Variants in PRPF6 observed in about 807,000 individuals in gnomAD.
PRPF6 encodes the protein pre-mRNA processing factor 6, also known as pre-mRNA-processing factor 6.
Under a neutral mutation model 118.3 loss-of-function variants are expected in PRPF6, and 42 were observed. That is an observed-to-expected ratio of 0.35 (90% CI 0.28 to 0.46). The LOEUF (loss-of-function observed/expected upper bound fraction) is 0.46, where lower values mean the gene tolerates loss of function less well. Among genes scored for constraint, PRPF6 ranks in the 20% least tolerant of loss-of-function variants. The pLI is 1.00. For missense variants in PRPF6, 662 were observed against 1,255.7 expected (o/e 0.53, Z 7.15); for synonymous variants, 481 against 485.1 (o/e 0.99, Z 0.11).
intron 20 of PRPF6, 129 bp downstream of exon 20, chr20:64,032,173 GGT>G (rs1569227547): frequency 1.4e-6 from 2 of 1,427,158 alleles, no homozygotes; most frequent in East Asian, 2.3e-5. Context: ...GGATGGACCG[GGT>G]GTGTGGGGCA....
At chr20:64,017,928 G>GC (rs1280073605) in intron 12 of PRPF6, among the ~76,000 whole-genome samples, 1 of 152,240 alleles carries the variant, frequency 6.6e-6, no homozygotes, top group African/African-American at 2.4e-5. Context: ...CACAGGCTGG[G>GC]CATGGGGCTG....
At position 64,016,861 on chromosome 20, in the gene PRPF6, G is replaced by C. The variant is rs558750067; in HGVS notation, c.1647+16G>C. 2.5e-6 allele frequency: 4 copies of C among 1,614,112 alleles called. No homozygotes were observed. The highest frequency in any genetic ancestry group is 2.7e-5 in the African/African-American group (2 of 75,054). ...TGCTGACAGTGTGAGTTGGCAACAG[G>C]GGCCTTTGTCCGTAATATGGAGTCT... On this transcript the variant is annotated intron_variant, in intron 12 of 20. Coordinates refer to ENST00000266079, the MANE Select transcript of PRPF6 (RefSeq NM_012469.4).
rs2059280405 is a variant in PRPF6 at position 64,024,712 on chromosome 20, T to C, written c.1908+19T>C. The stretch of plus-strand genomic sequence containing the variant: ...CTTCCAGGTGGGTGAGGGTTGCCTG[T>C]GTGGTGAGGGGCCTGTGCACACAGG... On this transcript the variant is annotated intron_variant, in intron 14 of 20. Transcript: ENST00000266079. 6.2e-7 allele frequency: 1 copy of C among 1,609,890 alleles called. No homozygotes were observed. Among genetic ancestry groups the C allele is most frequent in the South Asian group, 1.1e-5 (1 of 90,614 alleles).
chr20:64,033,072 A>G lies in PRPF6; in HGVS notation c.*79A>G, dbSNP rs2059323088. ...AGGGCTCTGAGCTGTGTCCTCCTTC[A>G]TTAAAAGTTTTTATGTCTCGTGTCA... On this transcript the variant is annotated 3_prime_UTR_variant, in exon 21 of 21. Transcript: ENST00000266079. 1 of 1,590,100 alleles carries G rather than the reference A, an allele frequency of 6.3e-7. No individual in the cohort carries two copies. The highest frequency in any genetic ancestry group is 8.6e-7 in the Non-Finnish European group (1 of 1,165,132).
intron 9 of PRPF6, among the ~76,000 whole-genome samples, chr20:64,002,636 TTTTC>T (rs2047350318): frequency 8.3e-6 from 1 of 121,000 alleles, no homozygotes; most frequent in Non-Finnish European, 1.8e-5. Context: ...GTGCCTGGCC[TTTTC>T]TTTTCTTTTT....
At chr20:64,004,366 G>A (rs2059180714) in intron 9 of PRPF6, among the ~76,000 whole-genome samples, 1 of 152,356 alleles carries the variant, frequency 6.6e-6, no homozygotes, top group African/African-American at 2.4e-5. Context: ...TTTCCCAAGA[G>A]TGTTTCCAAA....
intron 19 of PRPF6, among the ~76,000 whole-genome samples, chr20:64,030,243 G>A (rs932589023): frequency 2.0e-5 from 3 of 152,198 alleles, no homozygotes; most frequent in Admixed American, 6.5e-5. Context: ...GACCATGTGG[G>A]GTGAAGGGAG....
At chr20:64,005,614 A>G (rs770533981) in intron 9 of PRPF6, among the ~76,000 whole-genome samples, 12 of 152,150 alleles carry the variant, frequency 7.9e-5, no homozygotes, top group East Asian at 1.9e-4. Context: ...GCCTCGTCCT[A>G]TTGCCCAGGC....
chr20:63,998,194 A>G (rs1239083163), intron 6 of PRPF6, among the ~76,000 whole-genome samples: 2 of 151,522 alleles, frequency 1.3e-5, no homozygotes, highest in Admixed American at 6.6e-5. Context: ...TCCCAGGTTC[A>G]TGTGATTCTC....
intron 9 of PRPF6, among the ~76,000 whole-genome samples, chr20:64,002,243 G>A (rs914808610): frequency 1.3e-5 from 2 of 151,270 alleles, no homozygotes; most frequent in South Asian, 2.1e-4. Context: ...GGATGGTCTC[G>A]ATCTCTTGGC....
intron 8 of PRPF6, 79 bp downstream of exon 8, chr20:63,999,838 T>C (rs2059158699): frequency 1.3e-6 from 2 of 1,537,150 alleles, no homozygotes; most frequent in East Asian, 2.4e-5. Flanking sequence ...TTAGAGCAAA[T>C]CTCTTTGTCT....
At chr20:64,002,014 G>GTTTTTTTTTT (rs386394238) in intron 9 of PRPF6, among the ~76,000 whole-genome samples, 61 of 83,266 alleles carry the variant, frequency 7.3e-4, no homozygotes, top group Middle Eastern at 0.013. Flanking sequence ...TTTTTTTCTG[G>GTTTTTTTTTT]TTTTTTTTTT....
intron 12 of PRPF6, among the ~76,000 whole-genome samples, chr20:64,020,785 AT>A (rs10670252): frequency 0.017 from 2,241 of 134,100 alleles, 32 homozygotes; most frequent in African/African-American, 0.049. Flanking sequence ...ACTATACCTA[AT>A]TTTTTTTTTT....
chr20:64,003,828 G>C (rs989933880), intron 9 of PRPF6, among the ~76,000 whole-genome samples: 22 of 152,030 alleles, frequency 1.4e-4, no homozygotes, highest in African/African-American at 4.1e-4. Flanking sequence ...TTGATCTCCT[G>C]ACCTCATGAT....
At chr20:63,993,226 AT>A (rs1383135338) in intron 3 of PRPF6, among the ~76,000 whole-genome samples, 180 bp from the exon 4 acceptor site, 120 of 129,332 alleles carry the variant, frequency 9.3e-4, no homozygotes, top group African/African-American at 3.3e-3. Context: ...AAAAAAAAAA[AT>A]GTGTGTGTGT....
At chr20:64,024,749 G>A in intron 14 of PRPF6, 56 bp downstream of exon 14, 3 of 1,586,498 alleles carry the variant, frequency 1.9e-6, no homozygotes, top group Admixed American at 3.6e-5. Flanking sequence ...GCTGACCTGG[G>A]TGCTGACTGG....
At chr20:64,020,681 T>A (rs1180384031) in intron 12 of PRPF6, among the ~76,000 whole-genome samples, 1 of 152,234 alleles carries the variant, frequency 6.6e-6, no homozygotes, top group Non-Finnish European at 1.5e-5. Flanking sequence ...GTGTTTACTG[T>A]AGTTCTGTTG....
Position 64,029,723 on chromosome 20 carries a change from G to T in PRPF6, c.2546+232G>T, listed in dbSNP as rs2059306618. 8.9e-6 allele frequency among the ~76,000 whole-genome samples: 1 copy of T among 112,758 alleles called. No individual in the cohort carries two copies. The highest frequency in any genetic ancestry group is 3.1e-4 in the South Asian group (1 of 3,208). 74.0% of individuals were successfully genotyped at this position (112,758 alleles called of 152,430 possible). A position where few individuals can be genotyped will look rare whatever the true frequency, so the allele number is the denominator to read the frequency against. ...CTGGGGACGCATGTGATTCACACTG[G>T]TGCGCTGGCCGCCGGGTCACAGACT... On this transcript the variant is annotated intron_variant, in intron 19 of 20. Transcript: ENST00000266079. This position sits in a 1 kb window ranked among gnomAD's most constrained non-coding sequence, Gnocchi z 4.8.
Position 63,995,412 on chromosome 20 carries a change from G to C in PRPF6, c.701G>C (p.Gly234Ala), listed in dbSNP as rs1446366225. ...ATGACGCCAGGACTGATGACACCTG[G>C]CACAGGTGAGCTGGACATGAGGAAG... is the stretch of plus-strand genomic sequence containing the variant. Reference protein sequence around the residue: ...GGMTPGLMTPGTGELDMRKIG... With the variant: ...GGMTPGLMTPATGELDMRKIG... Residue 234 changes from glycine to alanine, a missense_variant, in exon 6 of 21, where the codon GGC becomes GCC. Transcript: ENST00000266079. 14 of 1,614,052 alleles carry C rather than the reference G, an allele frequency of 8.7e-6. No individual in the cohort carries two copies. Among genetic ancestry groups the C allele is most frequent in the Non-Finnish European group, 1.2e-5 (14 of 1,180,044 alleles).
Sources: allele counts gnomAD v4.1 joint callset (sites outside exome capture counted in the v4.1 genomes callset), GRCh38; gene constraint gnomAD v4.1.1; non-coding constraint Gnocchi (gnomAD v3.1); transcripts MANE v1.5; gene names NCBI Gene and HGNC (gene_info 2026-07-23, HGNC 2026-07-21).